ARHGEF10: variants seen among roughly 807,000 people sequenced by gnomAD.
ARHGEF10 encodes the protein Rho guanine nucleotide exchange factor 10.
Under a neutral mutation model 147.4 loss-of-function variants are expected in ARHGEF10, and 140 were observed. The observed-to-expected ratio is 0.95, with a 90% CI of 0.83 to 1.09. The LOEUF (loss-of-function observed/expected upper bound fraction) is 1.09. Among genes scored for constraint, ARHGEF10 ranks in the 50% least tolerant of loss-of-function variants. The probability of loss-of-function intolerance (pLI) is 0.00; values close to 1 mark genes in which losing one functional copy is unlikely to be tolerated. For missense variants in ARHGEF10, 2,222 were observed against 1,752.7 expected (o/e 1.27, Z -4.78); for synonymous variants, 902 against 695.8 (o/e 1.30, Z -4.67).
At chr8:1,830,100 C>A (rs1802999736) in intron 1 of ARHGEF10, among the ~76,000 whole-genome samples, 1 of 152,222 alleles carries the variant, frequency 6.6e-6, no homozygotes, top group Non-Finnish European at 1.5e-5. Flanking sequence ...TTCCCCGCTC[C>A]GTTCTGTCTG....
chr8:1,902,561 G>A (rs959403216), intron 15 of ARHGEF10, among the ~76,000 whole-genome samples: 1 of 152,036 alleles, frequency 6.6e-6, no homozygotes, highest in African/African-American at 2.4e-5. Context: ...TGAGCGGAAA[G>A]TACAGAGGTT....
intron 15 of ARHGEF10, among the ~76,000 whole-genome samples, chr8:1,901,723 G>A (rs533800747): frequency 9.9e-5 from 15 of 152,276 alleles, no homozygotes; most frequent in African/African-American, 1.9e-4. Flanking sequence ...CCTAGTCCCC[G>A]GTGCCACCAC....
chr8:1,832,785 G>GA (rs1466331883), intron 1 of ARHGEF10, among the ~76,000 whole-genome samples: 1 of 126,054 alleles, frequency 7.9e-6, no homozygotes, highest in Non-Finnish European at 1.7e-5. Flanking sequence ...GGCAGAGACA[G>GA]AGAGAGACAG....
rs751067889 is a variant in ARHGEF10, at chr8:1,956,172, A to T, written c.3521-577A>T. On this transcript the variant is annotated intron_variant, in intron 28 of 28. Coordinates refer to ENST00000349830, the MANE Select transcript of ARHGEF10 (RefSeq NM_014629.4). ...GGGTTGCGGGGCTGTGTGTGGCTTT[A>T]AGAAGACCTGCAGGTGTTTCTGATA... Among the ~76,000 whole-genome samples the T allele has an allele frequency of 3.3e-5, 5 of 152,344 alleles. No individual in the cohort carries two copies. In the East Asian group the frequency reaches 5.8e-4, roughly 18 times the overall value.
At chr8:1,877,292 A>G (rs1429331460) in intron 8 of ARHGEF10, among the ~76,000 whole-genome samples, 1 of 152,158 alleles carries the variant, frequency 6.6e-6, no homozygotes, top group African/African-American at 2.4e-5. Flanking sequence ...CAATGGCGCA[A>G]TCTCAGCTCA....
At position 1,903,270 on chromosome 8, in the gene ARHGEF10, G is replaced by A. The variant is rs751247682; in HGVS notation, c.1651-11G>A. 13 of 1,614,026 alleles carry A rather than the reference G, an allele frequency of 8.1e-6. No homozygotes were observed. Among genetic ancestry groups the A allele is most frequent in the East Asian group, 2.2e-5 (1 of 44,878 alleles). ...CGTGGTAACTGCCCACCTCTCCCCT[G>A]TTGCTTGTAGGACATGCTGAAGAAC... is the stretch of plus-strand genomic sequence containing the variant. On this transcript the variant is annotated splice_polypyrimidine_tract_variant and intron_variant, in intron 15 of 28. Transcript: ENST00000349830.
intron 17 of ARHGEF10, among the ~76,000 whole-genome samples, chr8:1,908,693 C>G (rs1019728623): frequency 1.3e-5 from 2 of 152,068 alleles, no homozygotes; most frequent in South Asian, 4.1e-4. Context: ...GATGTTGGCG[C>G]AGGTCGTTTC....
chr8:1,896,567 G>A (rs1391997802), intron 14 of ARHGEF10, 118 bp downstream of exon 14: 1 of 786,158 alleles, frequency 1.3e-6, no homozygotes, highest in Middle Eastern at 3.1e-4. Flanking sequence ...TAGTGCCCTA[G>A]ATATTGGATT....
intron 10 of ARHGEF10, among the ~76,000 whole-genome samples, chr8:1,884,254 G>C (rs1372517228): frequency 6.6e-6 from 1 of 152,100 alleles, no homozygotes; most frequent in African/African-American, 2.4e-5. Flanking sequence ...AAATTAGCTG[G>C]GCGTGGTGGC....
At chr8:1,898,736 C>G (rs966538355) in intron 15 of ARHGEF10, among the ~76,000 whole-genome samples, 1 of 151,912 alleles carries the variant, frequency 6.6e-6, no homozygotes, top group Admixed American at 6.6e-5. Context: ...CCAGTGCCTG[C>G]GAGGCCAGCC....
intron 1 of ARHGEF10, among the ~76,000 whole-genome samples, chr8:1,825,501 C>A (rs1261105297): frequency 6.8e-6 from 1 of 148,148 alleles, no homozygotes; most frequent in Non-Finnish European, 1.5e-5. Context: ...AGCTGTCCCC[C>A]CCGTACTCCA....
intron 22 of ARHGEF10, among the ~76,000 whole-genome samples, chr8:1,925,762 G>C (rs567075600): frequency 4.8e-4 from 73 of 152,268 alleles, no homozygotes; most frequent in African/African-American, 1.7e-3. Flanking sequence ...CGTAACTCCA[G>C]GTCTCCTGTC....
At chr8:1,852,539 A>T (rs571290813) in intron 2 of ARHGEF10, among the ~76,000 whole-genome samples, 7 of 151,942 alleles carry the variant, frequency 4.6e-5, no homozygotes, top group Non-Finnish European at 7.4e-5. Context: ...CCTCTCCATC[A>T]TCCTGGAGAG....
intron 1 of ARHGEF10, among the ~76,000 whole-genome samples, chr8:1,839,319 G>A (rs1213658382): frequency 4.0e-5 from 6 of 148,322 alleles, no homozygotes; most frequent in Non-Finnish European, 8.9e-5. Flanking sequence ...GGACTGTCTG[G>A]TGTGGGGACT....
At chr8:1,829,195 G>A (rs1297967206) in intron 1 of ARHGEF10, among the ~76,000 whole-genome samples, 1 of 151,892 alleles carries the variant, frequency 6.6e-6, no homozygotes, top group Admixed American at 6.5e-5. Context: ...GGGCCGTGTA[G>A]ACACAACCCA....
chr8:1,917,280 A>G (rs1335549886), intron 18 of ARHGEF10, among the ~76,000 whole-genome samples: 1 of 152,206 alleles, frequency 6.6e-6, no homozygotes, highest in Non-Finnish European at 1.5e-5. Context: ...TGATGACACA[A>G]TGAAACTTTT....
chr8:1,826,084 T>TA, intron 1 of ARHGEF10: 1 of 1,592,200 alleles, frequency 6.3e-7, no homozygotes, highest in Non-Finnish European at 8.5e-7. Context: ...CATCGGCAGT[T>TA]ACGGATGCAT....
intron 7 of ARHGEF10, among the ~76,000 whole-genome samples, chr8:1,873,613 G>C (rs1203838536): frequency 8.3e-4 from 121 of 146,340 alleles, no homozygotes; most frequent in African/African-American, 3.1e-3. Flanking sequence ...AGAGGTGCCC[G>C]CGGGGTAGTG....
chr8:1,910,419 T>C (rs2129185155), intron 18 of ARHGEF10, among the ~76,000 whole-genome samples: 1 of 152,342 alleles, frequency 6.6e-6, no homozygotes, highest in South Asian at 2.1e-4. Flanking sequence ...TTCTGTTTGG[T>C]AATCTGCCTA....
Sources: allele counts gnomAD v4.1 joint callset (sites outside exome capture counted in the v4.1 genomes callset), GRCh38; gene constraint gnomAD v4.1.1; transcripts MANE v1.5; gene names NCBI Gene and HGNC (gene_info 2026-07-23, HGNC 2026-07-21).